The following ZP2 variants were observed in gnomAD, a reference collection of about 807,000 sequenced individuals.
ZP2 encodes zona pellucida glycoprotein 2, also known as zona pellucida sperm-binding protein 2.
ZP2 carries 51 observed loss-of-function variants against 84.0 expected under a neutral mutation model. The ratio of observed to expected loss-of-function variants is 0.61; its 90% CI spans 0.49 to 0.77. ZP2 has a LOEUF of 0.77. ZP2 is among the 30% of genes least tolerant of loss of function. The pLI, the probability that ZP2 is intolerant of heterozygous loss-of-function variation, is 0.00. For synonymous variants in ZP2, 375 were observed against 330.9 expected (o/e 1.13, Z -1.45); for missense variants, 909 against 911.9 (o/e 1.00, Z 0.04).
At chr16:21,201,327 G>T in intron 14 of ZP2, 42 bp downstream of exon 14, 1 of 1,492,674 alleles carries the variant, frequency 6.7e-7, no homozygotes, top group South Asian at 1.5e-5. Flanking sequence ...GGCAAGTTTT[G>T]ATGGATTAGC....
chr16:21,198,702 A>G, intron 17 of ZP2, 77 bp downstream of exon 17: 4 of 1,174,992 alleles, frequency 3.4e-6, no homozygotes, highest in Non-Finnish European at 5.1e-6. Flanking sequence ...GGTACATAGT[A>G]TATGTAAGCA....
chr16:21,203,904 G>T, intron 9 of ZP2, 126 bp downstream of exon 9: 3 of 968,434 alleles, frequency 3.1e-6, no homozygotes, highest in Non-Finnish European at 3.2e-6. Context: ...AGGCCTTTTG[G>T]AGTTTGAATC....
intron 3 of ZP2, 30 bp from the exon 4 acceptor site, chr16:21,209,755 T>C (rs777158424): frequency 6.3e-7 from 1 of 1,598,748 alleles, no homozygotes; most frequent in African/African-American, 1.3e-5. Context: ...TTAGACAGGA[T>C]GGCTGAGTAC....
intron 17 of ZP2, 66 bp downstream of exon 17, chr16:21,198,713 C>T: frequency 7.2e-7 from 1 of 1,388,626 alleles, no homozygotes; most frequent in South Asian, 1.2e-5. Flanking sequence ...TATGTAAGCA[C>T]TGACCGCTTG....
At chr16:21,209,180 C>T (rs1421175767) in intron 4 of ZP2, among the ~76,000 whole-genome samples, 2 of 152,174 alleles carry the variant, frequency 1.3e-5, no homozygotes, top group African/African-American at 4.8e-5. Context: ...TCCCCCCACC[C>T]TCCTCCAGAC....
At chr16:21,199,397 A>G (rs2093214691) in intron 16 of ZP2, among the ~76,000 whole-genome samples, 173 bp downstream of exon 16, 1 of 150,930 alleles carries the variant, frequency 6.6e-6, no homozygotes, top group South Asian at 2.1e-4. Context: ...GAAACTGTTC[A>G]TCTTAGACCT....
Position 21,211,518 on chromosome 16 carries a change from C to A in ZP2, c.30G>T (p.Trp10Cys), listed in dbSNP as rs771310939. The A allele has an allele frequency of 1.9e-6, 3 of 1,614,214 alleles. No individual in the cohort carries two copies. The East Asian group carries it at 6.7e-5, about 36-fold the overall frequency. Reference sequence around the variant, plus strand: ...CTGCATTGAACCAGCCTGAGGGACTCCAAGAGCCTCCTCTCTGCCTGCACG... The same window carrying A: ...CTGCATTGAACCAGCCTGAGGGACTACAAGAGCCTCCTCTCTGCCTGCACG... MACRQRGGS[W>C]SPSGWFNAGW... Residue 10 changes from tryptophan to cysteine, a missense_variant, in exon 1 of 19, where the codon TGG becomes TGT. Trp to Cys is a radical substitution (Grantham distance 215). Transcript: ENST00000574091.
chr16:21,201,665 T>C, intron 13 of ZP2, 41 bp downstream of exon 13: 2 of 1,613,674 alleles, frequency 1.2e-6, no homozygotes, highest in Non-Finnish European at 1.7e-6. Context: ...AGGGAGAAGT[T>C]TGAGATCATT....
In ZP2 at chr16:21,201,959, C is replaced by T. The variant is rs1409988319; in HGVS notation, c.1352G>A (p.Ser451Asn). ...IHALWTDFPPSKISRDSEFRM... is the reference protein window; with the variant it reads ...IHALWTDFPPNKISRDSEFRM... ...GAACTCACTGTCTCTAGATATTTTGCTTGGAGGAAAATCCGTCCAGAGAGC... is the reference window on the plus strand; with the variant it reads ...GAACTCACTGTCTCTAGATATTTTGTTTGGAGGAAAATCCGTCCAGAGAGC... Residue 451 changes from serine to asparagine, a missense_variant, in exon 12 of 19, where the codon AGC (serine) becomes AAC (asparagine). Physicochemically the swap from Ser to Asn is conservative, Grantham distance 46. Transcript: ENST00000574091. The T allele has an allele frequency of 1.9e-6, 3 of 1,613,918 alleles. No individual in the cohort carries two copies. Among genetic ancestry groups the T allele is most frequent in the Non-Finnish European group, 1.7e-6 (2 of 1,179,958 alleles).
chr16:21,211,855 T>C (rs764922941), upstream of ZP2: 229 of 1,188,040 alleles, frequency 1.9e-4, no homozygotes, highest in Non-Finnish European at 2.5e-4. Flanking sequence ...GCAAATTATT[T>C]ACAACTGCAA....
chr16:21,211,781 A>ATCAGCTCCAGGTGAGTGAATTGG (rs2093276551), upstream of ZP2: 1 of 1,445,206 alleles, frequency 6.9e-7, no homozygotes, highest in African/African-American at 1.4e-5. Context: ...GTTTGCTGAA[A>ATCAGCTCCAGGTGAGTGAATTGG]TCAGCTCCAG....
chr16:21,198,762 A>T lies in ZP2; in HGVS notation c.2011+17T>A. ...AGAACTTGAATCCAGGAAGTACTCC[A>T]GGCTTTAGGTCCATACCTCTGAATG... On this transcript the variant is annotated intron_variant, in intron 17 of 18. Transcript: ENST00000574091. The T allele has an allele frequency of 6.2e-7, 1 of 1,611,736 alleles. No individual in the cohort carries two copies. The highest frequency in any genetic ancestry group is 8.5e-7 in the Non-Finnish European group (1 of 1,178,094).
At chr16:21,203,758 T>C (rs907179760) in intron 9 of ZP2, 8 of 513,518 alleles carry the variant, frequency 1.6e-5, no homozygotes, top group South Asian at 8.6e-5. Context: ...TAGTTGCTAC[T>C]ACTCAGTTGG....
At chr16:21,204,490 C>A in intron 7 of ZP2, 86 bp from the exon 8 acceptor site, 1 of 1,055,168 alleles carries the variant, frequency 9.5e-7, no homozygotes, top group Non-Finnish European at 1.4e-6. Context: ...AGTATATATC[C>A]AAGTAATGGG....
At chr16:21,205,900 A>G (rs2093247586) in intron 5 of ZP2, 125 bp from the exon 6 acceptor site, 1 of 875,392 alleles carries the variant, frequency 1.1e-6, no homozygotes, top group Non-Finnish European at 1.9e-6. Context: ...GAAGAAGCAC[A>G]TGAACCCTGA....
At chr16:21,203,048 C>G in intron 10 of ZP2, 77 bp downstream of exon 10, 6 of 1,535,126 alleles carry the variant, frequency 3.9e-6, no homozygotes, top group Non-Finnish European at 3.5e-6. Flanking sequence ...AGAATCTGAC[C>G]TTCTATACAT....
chr16:21,202,416 G>A (rs2093230506), intron 10 of ZP2, 125 bp from the exon 11 acceptor site: 5 of 841,846 alleles, frequency 5.9e-6, no homozygotes, highest in South Asian at 5.9e-5. Flanking sequence ...CTGTCTTGAA[G>A]TCTTTATGAG....
chr16:21,197,924 TC>T, intron 17 of ZP2, 75 bp from the exon 18 acceptor site: 1 of 1,414,938 alleles, frequency 7.1e-7, no homozygotes, highest in Non-Finnish European at 1.0e-6. Flanking sequence ...GAGGGTGTGA[TC>T]CCACAGGTTG....
In ZP2 at chr16:21,201,977, C is replaced by T; in HGVS notation, c.1334G>A (p.Trp445Ter). 2 of 1,614,034 alleles carry T rather than the reference C, an allele frequency of 1.2e-6. No homozygotes were observed. The highest frequency in any genetic ancestry group is 1.7e-6 in the Non-Finnish European group (2 of 1,179,956). ...VVYENEIHAL[W>*]TDFPPSKISR... is the part of the protein sequence containing the mutation. ...TATTTTGCTTGGAGGAAAATCCGTC[C>T]AGAGAGCATGTATTTCGTTTTCATA... Residue 445 changes from tryptophan (W) to a stop codon, truncating the protein, a stop_gained, in exon 12 of 19, where the codon TGG becomes TAG. Coordinates refer to ENST00000574091, the MANE Select transcript of ZP2 (RefSeq NM_001376232.1). LOFTEE classifies it high-confidence loss of function.
Sources: allele counts gnomAD v4.1 joint callset (sites outside exome capture counted in the v4.1 genomes callset), GRCh38; gene constraint gnomAD v4.1.1; transcripts MANE v1.5; gene names NCBI Gene and HGNC (gene_info 2026-07-23, HGNC 2026-07-21).